CFAP77: variants seen among roughly 807,000 people sequenced by gnomAD.
CFAP77 encodes the protein cilia- and flagella-associated protein 77.
A neutral mutation model predicts 31.1 loss-of-function variants in CFAP77; 25 were observed. That is an observed-to-expected ratio of 0.80 (90% CI 0.59 to 1.12). The LOEUF (loss-of-function observed/expected upper bound fraction) is 1.12. Among genes scored for constraint, CFAP77 ranks in the 50% most tolerant of loss-of-function variants. The pLI, the probability that CFAP77 is intolerant of heterozygous loss-of-function variation, is 0.00. For missense variants in CFAP77, 377 were observed against 397.3 expected, an observed-to-expected ratio of 0.95 and a Z score of 0.44; for synonymous variants, 151 against 159.9, an observed-to-expected ratio of 0.94 and a Z score of 0.42.
chr9:132,441,689 G>A (rs1009822962), intron 1 of CFAP77, among the ~76,000 whole-genome samples: 27 of 152,280 alleles, frequency 1.8e-4, no homozygotes, highest in Admixed American at 1.8e-3. Flanking sequence ...AGGCTGCCTC[G>A]GTGCGCGGAG....
chr9:132,434,410 T>A (rs1456948556), intron 1 of CFAP77, among the ~76,000 whole-genome samples: 1 of 152,186 alleles, frequency 6.6e-6, no homozygotes, highest in Non-Finnish European at 1.5e-5. Flanking sequence ...AAAGTAGGTG[T>A]TCAATAAATG....
chr9:132,551,877 T>A (rs1451550346), intron 5 of CFAP77, among the ~76,000 whole-genome samples: 1 of 152,146 alleles, frequency 6.6e-6, no homozygotes, highest in African/African-American at 2.4e-5. Context: ...GGAAGGAAAG[T>A]GCAGGGCGGT....
chr9:132,495,343 C>G lies in CFAP77; in HGVS notation c.196-3352C>G, dbSNP rs2118950523. Among the ~76,000 whole-genome samples, 1 of 152,290 alleles carries G rather than the reference C, an allele frequency of 6.6e-6. No homozygotes were observed. The highest frequency in any genetic ancestry group is 1.5e-5 in the Non-Finnish European group (1 of 68,022). ...AGTCTGTCTGTCATTCCCCTGCCAG[C>G]TGAAACTCTGCCCACCTGCACCTGC... On this transcript the variant is annotated intron_variant, in intron 1 of 5. Transcript: ENST00000393216. The surrounding 1 kb of genome is among the most constrained non-coding windows in gnomAD (Gnocchi z 4.2).
intron 5 of CFAP77, 88 bp downstream of exon 5, chr9:132,543,135 T>G: frequency 9.6e-7 from 1 of 1,040,834 alleles, no homozygotes; most frequent in Non-Finnish European, 1.5e-6. Flanking sequence ...CTCTGGGTTC[T>G]GTGGGCTTCT....
At chr9:132,516,688 C>G (rs1293803143) in intron 3 of CFAP77, among the ~76,000 whole-genome samples, 1 of 152,012 alleles carries the variant, frequency 6.6e-6, no homozygotes, top group Non-Finnish European at 1.5e-5. Context: ...ATTATCCTGG[C>G]TGTGATTTTA....
intron 4 of CFAP77, among the ~76,000 whole-genome samples, chr9:132,541,858 C>T (rs1333003066): frequency 1.3e-5 from 2 of 152,142 alleles, no homozygotes; most frequent in South Asian, 2.1e-4. Context: ...CTTTATTTGC[C>T]GATTGTGCTG....
chr9:132,543,178 A>G (rs971517143), intron 5 of CFAP77, 131 bp downstream of exon 5: 4 of 700,424 alleles, frequency 5.7e-6, no homozygotes, highest in Admixed American at 4.3e-5. Context: ...CGCAGCAGCA[A>G]TCGCAACAGC....
rs144237831 is a variant in CFAP77, at chr9:132,545,673, C to T, written c.732+2626C>T. ...GAGTGCTGCCGTTATGGGTGTCACACGCAGTCGCCTCCTTGTCAGGAAGTA... is the reference window on the plus strand; with the variant it reads ...GAGTGCTGCCGTTATGGGTGTCACATGCAGTCGCCTCCTTGTCAGGAAGTA... On this transcript the variant is annotated intron_variant, in intron 5 of 5. Transcript: ENST00000393216. This position sits in a 1 kb window ranked among gnomAD's most constrained non-coding sequence, Gnocchi z 4.6. 5.1e-4 allele frequency among the ~76,000 whole-genome samples: 77 copies of T among 152,298 alleles called. 1 individual carries two copies. In the East Asian group the frequency reaches 7.7e-3, roughly 15 times the overall value.
chr9:132,459,607 ATGTG>A (rs372421842), intron 1 of CFAP77, among the ~76,000 whole-genome samples: 33 of 149,386 alleles, frequency 2.2e-4, no homozygotes, highest in African/African-American at 3.7e-4. Context: ...ATGCCTGTAT[ATGTG>A]TGTGTATGTA....
chr9:132,414,616 G>A (rs1005824747), intron 1 of CFAP77, among the ~76,000 whole-genome samples: 2 of 152,016 alleles, frequency 1.3e-5, no homozygotes, highest in African/African-American at 2.4e-5. Context: ...TGCATTGCCC[G>A]GAAGAGTTCA....
Position 132,410,273 on chromosome 9 carries a change from TGCCAGAG to T in CFAP77, c.8_14del (p.Glu3_?5). The T allele has an allele frequency of 6.4e-7, 1 of 1,567,692 alleles. No homozygotes were observed. Among genetic ancestry groups the T allele is most frequent in the Non-Finnish European group, 8.6e-7 (1 of 1,159,244 alleles). ...GCCGGCTCCCCGGCGACCTCAAGGA[TGCCAGAG>T]GCCAGGAGCTCCGGCCCGGACCTCA... On this transcript the variant is annotated frameshift_variant and start_lost, in exon 1 of 6. Transcript: ENST00000393216. LOFTEE classifies it high-confidence loss of function.
At chr9:132,512,147 G>A (rs2210422) in intron 3 of CFAP77, among the ~76,000 whole-genome samples, 11,563 of 152,102 alleles carry the variant, frequency 0.076, 567 homozygotes, top group South Asian at 0.13. Flanking sequence ...CTCCCTCTGC[G>A]GGCTCTAGGG....
intron 1 of CFAP77, among the ~76,000 whole-genome samples, chr9:132,459,752 G>C (rs978297972): frequency 7.0e-6 from 1 of 142,630 alleles, no homozygotes; most frequent in African/African-American, 3.0e-5. Flanking sequence ...GAGTGTGTGT[G>C]TATGTGTGTG....
intron 1 of CFAP77, among the ~76,000 whole-genome samples, chr9:132,472,363 G>C (rs770818965): frequency 9.9e-5 from 15 of 152,196 alleles, no homozygotes; most frequent in Non-Finnish European, 1.8e-4. Flanking sequence ...TCTATAATTA[G>C]CTGCATTGTG....
At chr9:132,531,042 G>A (rs1312917640) in intron 3 of CFAP77, among the ~76,000 whole-genome samples, 2 of 152,182 alleles carry the variant, frequency 1.3e-5, no homozygotes, top group Non-Finnish European at 1.5e-5. Context: ...TTGTTGAAAA[G>A]ACTATCCTTC....
chr9:132,530,785 T>C (rs1223297545), intron 3 of CFAP77, among the ~76,000 whole-genome samples: 1 of 151,982 alleles, frequency 6.6e-6, no homozygotes, highest in African/African-American at 2.4e-5. Flanking sequence ...AAGCCCAATT[T>C]ATCAGTTTTT....
chr9:132,457,626 A>T (rs575239), intron 1 of CFAP77, among the ~76,000 whole-genome samples: 79,321 of 152,116 alleles, frequency 0.52, 20,921 homozygotes, highest in East Asian at 0.63. Context: ...TGTTGCTGGA[A>T]TCTGGCGACA....
At chr9:132,440,756 G>A (rs576424470) in intron 1 of CFAP77, among the ~76,000 whole-genome samples, 167 of 152,274 alleles carry the variant, frequency 1.1e-3, no homozygotes, top group African/African-American at 3.9e-3. Context: ...CGTCATTTGA[G>A]AGTCCAGGGA....
At chr9:132,547,709 C>T (rs552212215) in intron 5 of CFAP77, among the ~76,000 whole-genome samples, 26 of 152,268 alleles carry the variant, frequency 1.7e-4, no homozygotes, top group East Asian at 5.8e-4. Context: ...TCCCCAGGTG[C>T]GCCGTGTCCA....
Sources: allele counts gnomAD v4.1 joint callset (sites outside exome capture counted in the v4.1 genomes callset), GRCh38; gene constraint gnomAD v4.1.1; non-coding constraint Gnocchi (gnomAD v3.1); transcripts MANE v1.5; gene names NCBI Gene and HGNC (gene_info 2026-07-23, HGNC 2026-07-21).